Variants in CCSER2 observed in about 807,000 individuals in gnomAD.
The protein encoded by CCSER2 is coiled-coil serine rich protein 2, also known as serine-rich coiled-coil domain-containing protein 2.
In CCSER2, 46 loss-of-function variants were observed where a neutral mutation model predicts 92.3. That is an observed-to-expected ratio of 0.50 (90% CI 0.39 to 0.64). The LOEUF (loss-of-function observed/expected upper bound fraction) is 0.64, where lower values mean the gene tolerates loss of function less well. CCSER2 is among the 30% of genes least tolerant of loss of function. CCSER2 has a pLI of 0.00. For synonymous variants in CCSER2, 433 were observed against 431.4 expected (o/e 1.00, Z -0.04); for missense variants, 1,244 against 1,238.9 (o/e 1.00, Z -0.06).
chr10:84,432,890 T>C (rs1475195510), intron 5 of CCSER2, among the ~76,000 whole-genome samples: 1 of 152,218 alleles, frequency 6.6e-6, no homozygotes, highest in Non-Finnish European at 1.5e-5. Context: ...TTTGACTTAA[T>C]TTTTGTGAAA....
chr10:84,405,120 G>A (rs1156263952), intron 3 of CCSER2, among the ~76,000 whole-genome samples: 1 of 152,150 alleles, frequency 6.6e-6, no homozygotes, highest in African/African-American at 2.4e-5. Context: ...CAAAGGGACA[G>A]TCAGGTAAAT....
chr10:84,450,840 G>A (rs1178702225), intron 6 of CCSER2, among the ~76,000 whole-genome samples: 1 of 152,104 alleles, frequency 6.6e-6, no homozygotes, highest in Non-Finnish European at 1.5e-5. Flanking sequence ...AGAATGATGT[G>A]TTGCAAAGGG....
Position 84,514,084 on chromosome 10 carries a change from T to C in CCSER2, c.2961T>C (p.Ser987=). ...CTAAGCTCCGCCCCCCCTCAGGCTCTTTCAAACAAAAACAAACAAACAGCC... is the reference window on the plus strand; with the variant it reads ...CTAAGCTCCGCCCCCCCTCAGGCTCCTTCAAACAAAAACAAACAAACAGCC... The part of the protein sequence containing the change: ...KASKLRPPSG[S]FKQKQTNSPQ... Residue 987 remains serine (S), a synonymous_variant, in exon 10 of 10, where the codon TCT becomes TCC. Coordinates refer to ENST00000372088, the MANE Select transcript of CCSER2 (RefSeq NM_001284240.2). The C allele has an allele frequency of 3.3e-6, 5 of 1,536,230 alleles. No homozygotes were observed. The highest frequency in any genetic ancestry group is 4.4e-6 in the Non-Finnish European group (5 of 1,146,944).
At chr10:84,332,436 A>ATATATATATATTTTTTTT (rs1401635246) in intron 1 of CCSER2, among the ~76,000 whole-genome samples, 1 of 55,210 alleles carries the variant, frequency 1.8e-5, no homozygotes, top group African/African-American at 1.1e-4. Flanking sequence ...ATATATATAT[A>ATATATATATATTTTTTTT]TTTTTTTTTT....
At position 84,517,692 on chromosome 10, in the gene CCSER2, C is replaced by T. The variant is rs1191403508; in HGVS notation, c.*3425C>T. ...AGCATGTCACTTTTCCATTAAAGCA[C>T]TAAGTTTTCTTTGAATGTTCCATTG... On this transcript the variant is annotated 3_prime_UTR_variant, in exon 10 of 10. Transcript: ENST00000372088. The T allele has an allele frequency of 6.6e-6, 1 of 152,570 alleles. No individual in the cohort carries two copies. The highest frequency in any genetic ancestry group is 1.5e-5 in the Non-Finnish European group (1 of 68,032). The allele number at this position is 152,570 out of a possible 1,614,324, so 9.5% of individuals were successfully genotyped here.
In CCSER2 at chr10:84,513,999, C is replaced by CA; in HGVS notation, c.2880dup (p.Leu961ThrfsTer6). On this transcript the variant is annotated frameshift_variant, in exon 10 of 10. Transcript: ENST00000372088. LOFTEE classifies it high-confidence loss of function. ...CCAATAATCACAACATGTAATTCAG[C>CA]AAAACTTCAGCCAACATCTAGTCAA... The CA allele has an allele frequency of 6.5e-7, 1 of 1,536,678 alleles. No homozygotes were observed.
chr10:84,493,158 A>G (rs889035668), intron 9 of CCSER2, among the ~76,000 whole-genome samples: 6 of 152,192 alleles, frequency 3.9e-5, no homozygotes, highest in African/African-American at 1.4e-4. Flanking sequence ...GACCTATTCA[A>G]ATGACTTCTT....
At chr10:84,502,900 T>C (rs1232658737) in intron 9 of CCSER2, among the ~76,000 whole-genome samples, 5 of 152,122 alleles carry the variant, frequency 3.3e-5, no homozygotes, top group African/African-American at 1.2e-4. Context: ...AAAGCTGTAG[T>C]GGCCAGCAGT....
intron 6 of CCSER2, among the ~76,000 whole-genome samples, chr10:84,457,692 ATT>A (rs1424566430): frequency 7.9e-6 from 1 of 126,178 alleles, no homozygotes; most frequent in Non-Finnish European, 1.6e-5. Flanking sequence ...AATTATATAT[ATT>A]TATATATAAT....
intron 7 of CCSER2, among the ~76,000 whole-genome samples, chr10:84,467,451 A>C (rs1221645646): frequency 6.7e-6 from 1 of 148,606 alleles, no homozygotes; most frequent in Admixed American, 6.7e-5. Flanking sequence ...TCTCTCTCTC[A>C]CCCCCCACAT....
intron 1 of CCSER2, among the ~76,000 whole-genome samples, chr10:84,357,155 A>G (rs1845215818): frequency 6.6e-6 from 1 of 152,174 alleles, no homozygotes; most frequent in Non-Finnish European, 1.5e-5. Context: ...CCCACATCTG[A>G]GGCTGGTGGG....
chr10:84,359,301 A>G (rs910556204), intron 1 of CCSER2, among the ~76,000 whole-genome samples: 2 of 152,094 alleles, frequency 1.3e-5, no homozygotes, highest in African/African-American at 4.8e-5. Context: ...GGTCCATTGT[A>G]TCTGGGGGAA....
chr10:84,407,777 G>A (rs1324091945), intron 3 of CCSER2, among the ~76,000 whole-genome samples: 1 of 152,206 alleles, frequency 6.6e-6, no homozygotes, highest in African/African-American at 2.4e-5. Flanking sequence ...GCATATATTA[G>A]TAGTGTTATT....
chr10:84,442,485 A>G (rs566140550), intron 6 of CCSER2, among the ~76,000 whole-genome samples: 3 of 152,326 alleles, frequency 2.0e-5, no homozygotes, highest in Admixed American at 2.0e-4. Flanking sequence ...TTATCTATCT[A>G]TATCTACATC....
At chr10:84,379,902 C>T (rs914984290) in intron 3 of CCSER2, among the ~76,000 whole-genome samples, 3 of 152,118 alleles carry the variant, frequency 2.0e-5, no homozygotes, top group Non-Finnish European at 2.9e-5. Flanking sequence ...ATCTACATTT[C>T]AGTTATTCTT....
At chr10:84,380,454 G>A (rs1351270617) in intron 3 of CCSER2, among the ~76,000 whole-genome samples, 2 of 151,942 alleles carry the variant, frequency 1.3e-5, no homozygotes, top group Non-Finnish European at 2.9e-5. Context: ...ACCGTTCATA[G>A]TTTTTGCTTT....
intron 1 of CCSER2, among the ~76,000 whole-genome samples, chr10:84,355,136 G>A (rs1845091930): frequency 6.6e-6 from 1 of 151,748 alleles, no homozygotes; most frequent in South Asian, 2.1e-4. Flanking sequence ...TTAAATCAAA[G>A]TGACTTTTCA....
At chr10:84,330,660 A>G (rs1843514645) in intron 1 of CCSER2, among the ~76,000 whole-genome samples, 1 of 151,976 alleles carries the variant, frequency 6.6e-6, no homozygotes, top group African/African-American at 2.4e-5. Flanking sequence ...TTATAGGCAC[A>G]CACCACCACA....
rs1845703691 is a variant in CCSER2 at position 84,457,259 on chromosome 10, A to AATATATAATATATT, written c.2065-6668_2065-6667insAATATATTATATAT. Among the ~76,000 whole-genome samples the AATATATAATATATT allele has an allele frequency of 4.7e-4, 26 of 55,104 alleles. No homozygotes were observed. In the East Asian group the frequency reaches 0.015, roughly 32 times the overall value. 36.2% of individuals were successfully genotyped at this position (55,104 alleles called of 152,430 possible). On this transcript the variant is annotated intron_variant, in intron 6 of 9. Coordinates refer to ENST00000372088, the MANE Select transcript of CCSER2 (RefSeq NM_001284240.2). The stretch of plus-strand genomic sequence containing the variant: ...ATATTATATATTATATATTATATAA[A>AATATATAATATATT]ATATATTATATATAATATATTATAT...
Sources: gnomAD v4.1 joint callset for allele counts (sites outside exome capture counted in the v4.1 genomes callset) on GRCh38, gnomAD v4.1.1 for gene constraint, MANE v1.5 for transcripts, NCBI Gene and HGNC (gene_info 2026-07-23, HGNC 2026-07-21) for gene names.